Variants in TTLL5 observed in about 807,000 individuals in gnomAD.
The protein encoded by TTLL5 is tubulin tyrosine ligase like 5.
In TTLL5, 132 loss-of-function variants were observed where a neutral mutation model predicts 168.4. The observed-to-expected ratio is 0.78, with a 90% confidence interval of 0.68 to 0.91. TTLL5 has a LOEUF of 0.91. Among genes scored for constraint, TTLL5 ranks in the 40% least tolerant of loss-of-function variants. TTLL5 has a pLI of 0.00. For synonymous variants in TTLL5, 546 were observed against 558.6 expected (o/e 0.98, Z 0.32); for missense variants, 1,545 against 1,581.5 (o/e 0.98, Z 0.39).
At chr14:75,727,527 T>C (rs1888255805) in intron 12 of TTLL5, among the ~76,000 whole-genome samples, 1 of 152,164 alleles carries the variant, frequency 6.6e-6, no homozygotes, top group Non-Finnish European at 1.5e-5. Flanking sequence ...CAGTGGTTGC[T>C]GAGGGTGGGA....
intron 21 of TTLL5, among the ~76,000 whole-genome samples, chr14:75,775,182 C>T (rs1401347990): frequency 6.6e-6 from 1 of 152,082 alleles, no homozygotes; most frequent in African/African-American, 2.4e-5. Flanking sequence ...CTAAATAGTG[C>T]TATTTGTGTA....
At chr14:75,878,593 AATGT>A (rs2031629942) in intron 29 of TTLL5, among the ~76,000 whole-genome samples, 2 of 152,220 alleles carry the variant, frequency 1.3e-5, no homozygotes, top group Non-Finnish European at 2.9e-5. Flanking sequence ...GAGGTTTAGA[AATGT>A]ATTTTCTTTA....
At chr14:75,814,214 A>G (rs1894242123) in intron 27 of TTLL5, among the ~76,000 whole-genome samples, 1 of 152,260 alleles carries the variant, frequency 6.6e-6, no homozygotes, top group Non-Finnish European at 1.5e-5. Context: ...AACCTGTACT[A>G]CTAACAAAAA....
intron 31 of TTLL5, among the ~76,000 whole-genome samples, chr14:75,945,501 C>T (rs983400224): frequency 3.9e-5 from 6 of 151,924 alleles, no homozygotes; most frequent in African/African-American, 1.2e-4. Flanking sequence ...ATGATCTGCC[C>T]GCCTCAGCCT....
chr14:75,710,206 C>T (rs1886970244), intron 9 of TTLL5: 1 of 152,122 alleles, frequency 6.6e-6, no homozygotes, highest in Non-Finnish European at 1.5e-5. Flanking sequence ...TAACAGCCCT[C>T]TCTATGGGTA....
intron 31 of TTLL5, among the ~76,000 whole-genome samples, chr14:75,928,875 T>TC (rs1430181063): frequency 6.6e-6 from 1 of 151,930 alleles, no homozygotes; most frequent in Non-Finnish European, 1.5e-5. Flanking sequence ...GCAGAAAGGG[T>TC]GGGGGCAGGA....
chr14:75,929,031 G>A (rs560498091), intron 31 of TTLL5, among the ~76,000 whole-genome samples: 2 of 111,096 alleles, frequency 1.8e-5, no homozygotes, highest in Admixed American at 1.4e-4. Flanking sequence ...TCGTGGCCAC[G>A]GAGCAGCTGA....
At chr14:75,708,386 G>T (rs1886801825) in intron 9 of TTLL5, among the ~76,000 whole-genome samples, 1 of 151,750 alleles carries the variant, frequency 6.6e-6, no homozygotes, top group African/African-American at 2.4e-5. Flanking sequence ...TTTTGAGATG[G>T]CGTGATCTCG....
At position 75,931,024 on chromosome 14, in the gene TTLL5, C is replaced by A. The variant is rs183199753; in HGVS notation, c.3824-23400C>A. On this transcript the variant is annotated intron_variant, in intron 31 of 31. Transcript: ENST00000298832. Reference sequence around the variant, plus strand: ...TTCATATTATTCTCTAAGATCCTGTCCTTGATCTGCTCCCGTAGTTTCAGC... The same window carrying A: ...TTCATATTATTCTCTAAGATCCTGTACTTGATCTGCTCCCGTAGTTTCAGC... Among the ~76,000 whole-genome samples the A allele has an allele frequency of 6.9e-4, 105 of 152,302 alleles. 1 individual carries two copies. The highest frequency in any genetic ancestry group is 2.4e-4 in the Non-Finnish European group (16 of 68,034).
intron 27 of TTLL5, among the ~76,000 whole-genome samples, chr14:75,804,289 C>T (rs1893524301): frequency 6.6e-6 from 1 of 152,232 alleles, no homozygotes; most frequent in Non-Finnish European, 1.5e-5. Flanking sequence ...AAGCTTGATT[C>T]ACAGCAGTTA....
intron 20 of TTLL5, among the ~76,000 whole-genome samples, 178 bp from the exon 21 acceptor site, chr14:75,771,556 G>C (rs948341216): frequency 6.6e-6 from 1 of 152,010 alleles, no homozygotes; most frequent in Non-Finnish European, 1.5e-5. Flanking sequence ...AATTTAAAAA[G>C]AAAAACCTTC....
intron 31 of TTLL5, among the ~76,000 whole-genome samples, chr14:75,934,847 T>C (rs1027491678): frequency 6.6e-6 from 1 of 152,140 alleles, no homozygotes; most frequent in Non-Finnish European, 1.5e-5. Flanking sequence ...AGGGAGTAAA[T>C]GAGACTGGGT....
rs1253021675 is a variant in TTLL5, at chr14:75,663,196, C to T, written c.47C>T (p.Ser16Leu). Residue 16 changes from serine (S) to leucine (L), a missense_variant, in exon 2 of 32, where the codon TCA becomes TTA. Ser to Leu is a moderately radical substitution (Grantham distance 145). Transcript: ENST00000298832. ...ARDLEETASS[S>L]EDEEVISQED... ...GACCTGGAGGAAACAGCATCATCCT[C>T]AGAGGATGAGGAGGTCATAAGTCAA... 6.2e-7 allele frequency: 1 copy of T among 1,613,400 alleles called. No individual in the cohort carries two copies. The highest frequency in any genetic ancestry group is 8.5e-7 in the Non-Finnish European group (1 of 1,179,802).
chr14:75,810,513 A>T (rs1048417426), intron 27 of TTLL5, among the ~76,000 whole-genome samples: 4 of 152,072 alleles, frequency 2.6e-5, no homozygotes, highest in African/African-American at 9.7e-5. Context: ...GACTACAGGC[A>T]TGCACCACCA....
intron 31 of TTLL5, among the ~76,000 whole-genome samples, chr14:75,937,748 C>T (rs2034478063): frequency 1.3e-5 from 2 of 152,142 alleles, no homozygotes; most frequent in South Asian, 2.1e-4. Flanking sequence ...CCACATTATC[C>T]ATTCAGCAAT....
chr14:75,810,408 C>T (rs748076211), intron 27 of TTLL5, among the ~76,000 whole-genome samples: 1 of 152,072 alleles, frequency 6.6e-6, no homozygotes, highest in African/African-American at 2.4e-5. Context: ...TAGAGTGCCA[C>T]CCAGGCTGGA....
At chr14:75,744,989 A>T (rs940230133) in intron 15 of TTLL5, 106 bp from the exon 16 acceptor site, 1 of 933,388 alleles carries the variant, frequency 1.1e-6, no homozygotes, top group East Asian at 2.7e-5. Context: ...ATTTGAGCTT[A>T]TAAATCTTTA....
chr14:75,838,268 G>A (rs1439108525), intron 28 of TTLL5: 1 of 152,026 alleles, frequency 6.6e-6, no homozygotes, highest in Non-Finnish European at 1.5e-5. Flanking sequence ...GATCTTGGAG[G>A]TGGCGGCTGG....
rs1892120668 is a variant in TTLL5, at chr14:75,782,571, C to T, written c.2600C>T (p.Ser867Phe). Residue 867 changes from serine to phenylalanine, a missense_variant and splice_region_variant, in exon 25 of 32, where the codon TCT (serine) becomes TTT (phenylalanine). Physicochemically the swap from Ser to Phe is radical, Grantham distance 155. Coordinates refer to ENST00000298832, the MANE Select transcript of TTLL5 (RefSeq NM_015072.5). ...QTTEIHSDKLSRFTTSAEKEA... is the reference protein window; with the variant it reads ...QTTEIHSDKLFRFTTSAEKEA... ...ACAGAAATTCATTCTGATAAATTAT[C>T]TCGTGAGTGATTTCAAACCTACCTA... 6.2e-7 allele frequency: 1 copy of T among 1,612,906 alleles called. No homozygotes were observed. Among genetic ancestry groups the T allele is most frequent in the Non-Finnish European group, 8.5e-7 (1 of 1,179,528 alleles).
Sources: allele counts gnomAD v4.1 joint callset (sites outside exome capture counted in the v4.1 genomes callset), GRCh38; gene constraint gnomAD v4.1.1; transcripts MANE v1.5; gene names NCBI Gene and HGNC (gene_info 2026-07-23, HGNC 2026-07-21).